Variants in BRAF observed in about 807,000 individuals in gnomAD.
BRAF encodes the protein B-Raf proto-oncogene, serine/threonine kinase, also known as serine/threonine-protein kinase B-raf.
A neutral mutation model predicts 104.6 loss-of-function variants in BRAF; 16 were observed. The observed-to-expected ratio is 0.15, with a 90% confidence interval of 0.10 to 0.23. The LOEUF (loss-of-function observed/expected upper bound fraction) is 0.23, where lower values mean the gene tolerates loss of function less well. Ranked by LOEUF, BRAF falls within the 10% of genes least tolerant of loss-of-function variation. The pLI is 1.00. For synonymous variants in BRAF, 310 were observed against 341.6 expected, an observed-to-expected ratio of 0.91 and a Z score of 1.02; for missense variants, 541 against 937.3, an observed-to-expected ratio of 0.58 and a Z score of 5.52.
chr7:140,880,731 T>C (rs1214764509), intron 1 of BRAF, among the ~76,000 whole-genome samples: 1 of 151,830 alleles, frequency 6.6e-6, no homozygotes, highest in Non-Finnish European at 1.5e-5. Flanking sequence ...AGAAAAACAT[T>C]ACTGAGGCAA....
intron 1 of BRAF, among the ~76,000 whole-genome samples, chr7:140,873,410 T>C (rs916098040): frequency 6.6e-6 from 1 of 152,100 alleles, no homozygotes; most frequent in Non-Finnish European, 1.5e-5. Context: ...CCTCAGGTGA[T>C]CCATCTGCCT....
intron 3 of BRAF, among the ~76,000 whole-genome samples, chr7:140,828,446 A>T (rs1409900482): frequency 6.6e-6 from 1 of 152,158 alleles, no homozygotes; most frequent in Non-Finnish European, 1.5e-5. Flanking sequence ...TATACATTTA[A>T]ATAAACATAT....
chr7:140,882,629 C>T (rs1050143361), intron 1 of BRAF, among the ~76,000 whole-genome samples: 4 of 151,922 alleles, frequency 2.6e-5, no homozygotes, highest in East Asian at 2.0e-4. Context: ...CTACCTGCCT[C>T]GGCCTCCCAA....
the BRAF span, among the ~76,000 whole-genome samples, chr7:140,713,653 A>C: frequency 6.6e-6 from 1 of 152,170 alleles, no homozygotes; most frequent in African/African-American, 2.4e-5. Context: ...GCTGGTGAGG[A>C]ACTGCATTCC....
intron 2 of BRAF, chr7:140,836,104 GTT>G (rs558904243): frequency 2.6e-5 from 4 of 152,250 alleles, no homozygotes; most frequent in South Asian, 2.1e-4. Context: ...GTAACAAAGA[GTT>G]TGTTTTTTCT....
chr7:140,839,427 C>T (rs115636600), intron 2 of BRAF, among the ~76,000 whole-genome samples: 4,195 of 152,162 alleles, frequency 0.028, 204 homozygotes, highest in African/African-American at 0.094. Flanking sequence ...TCCTACTTAG[C>T]TCTTTAGAAA....
intron 1 of BRAF, among the ~76,000 whole-genome samples, chr7:140,897,954 C>T (rs1815151587): frequency 1.3e-5 from 2 of 152,154 alleles, no homozygotes; most frequent in Non-Finnish European, 2.9e-5. Context: ...AATCCCAGCA[C>T]TTTGGGAGGC....
At chr7:140,919,567 T>C (rs1057253678) in intron 1 of BRAF, among the ~76,000 whole-genome samples, 1 of 151,796 alleles carries the variant, frequency 6.6e-6, no homozygotes, top group Non-Finnish European at 1.5e-5. Flanking sequence ...TATTAAAGAG[T>C]ATCTTCTGAT....
intron 14 of BRAF, among the ~76,000 whole-genome samples, chr7:140,768,625 C>G (rs1369529196): frequency 6.6e-6 from 1 of 152,072 alleles, no homozygotes; most frequent in East Asian, 1.9e-4. Context: ...TCCAGAGTAT[C>G]TGGGGCTACA....
At chr7:140,835,762 A>T (rs1807261526) in intron 2 of BRAF, 1 of 152,184 alleles carries the variant, frequency 6.6e-6, no homozygotes, top group Non-Finnish European at 1.5e-5. Flanking sequence ...TGGAATATAC[A>T]AGTCCATAGT....
chr7:140,889,461 T>G (rs1813964344), intron 1 of BRAF, among the ~76,000 whole-genome samples: 1 of 152,160 alleles, frequency 6.6e-6, no homozygotes, highest in South Asian at 2.1e-4. Context: ...AGTACACATA[T>G]AGCATAAATA....
intron 19 of BRAF, chr7:140,732,415 C>A (rs1024452898): frequency 1.3e-5 from 2 of 151,830 alleles, no homozygotes; most frequent in African/African-American, 4.8e-5. Context: ...TACAATTAAA[C>A]CTGAAAGGGA....
At chr7:140,837,253 G>A (rs1041903739) in intron 2 of BRAF, among the ~76,000 whole-genome samples, 7 of 152,110 alleles carry the variant, frequency 4.6e-5, no homozygotes, top group African/African-American at 1.7e-4. Context: ...CTACCTTTAA[G>A]ACCCGGAGAA....
chr7:140,734,028 T>C, intron 19 of BRAF: 1 of 1,038,180 alleles, frequency 9.6e-7, no homozygotes, highest in African/African-American at 1.7e-5. Context: ...AAAAGAAACT[T>C]AGTTTATTGC....
chr7:140,883,590 T>C (rs1813189235), intron 1 of BRAF, among the ~76,000 whole-genome samples: 1 of 152,196 alleles, frequency 6.6e-6, no homozygotes, highest in Non-Finnish European at 1.5e-5. Context: ...ACACTTTCTG[T>C]TCCTTTTTCT....
chr7:140,909,050 C>A (rs1393953419), intron 1 of BRAF, among the ~76,000 whole-genome samples: 1 of 150,800 alleles, frequency 6.6e-6, no homozygotes, highest in Admixed American at 6.6e-5. Context: ...ATCTGAATAA[C>A]CCAGTCTTCC....
chr7:140,873,258 C>A (rs1811825062), intron 1 of BRAF, among the ~76,000 whole-genome samples: 1 of 150,362 alleles, frequency 6.7e-6, no homozygotes, highest in African/African-American at 2.5e-5. Context: ...GCAACCTCTG[C>A]CTCCCAGATT....
At chr7:140,776,826 T>C (rs2129017967) in intron 14 of BRAF, 86 bp downstream of exon 13, 3 of 1,321,078 alleles carry the variant, frequency 2.3e-6, no homozygotes, top group Non-Finnish European at 2.2e-6. Flanking sequence ...TAAAATGCAA[T>C]CCAAAAGAAT....
intron 5 of BRAF, among the ~76,000 whole-genome samples, chr7:140,806,434 AAATT>A (rs1444852166): frequency 1.3e-5 from 2 of 152,218 alleles, no homozygotes; most frequent in African/African-American, 4.8e-5. Context: ...TTCTCAATAA[AAATT>A]TACTGGCAGG....
Sources: gnomAD v4.1 joint callset for allele counts (sites outside exome capture counted in the v4.1 genomes callset) on GRCh38, gnomAD v4.1.1 for gene constraint, MANE v1.5 for transcripts, NCBI Gene and HGNC (gene_info 2026-07-23, HGNC 2026-07-21) for gene names.